CACNB2: variants seen among roughly 807,000 people sequenced by gnomAD.
CACNB2 encodes voltage-dependent L-type calcium channel subunit beta-2.
In CACNB2, 42 loss-of-function variants were observed where a neutral mutation model predicts 73.3. The ratio of observed to expected loss-of-function variants is 0.57; its 90% CI spans 0.45 to 0.74. The LOEUF (loss-of-function observed/expected upper bound fraction) is 0.74. Among genes scored for constraint, CACNB2 ranks in the 30% least tolerant of loss-of-function variants. CACNB2 has a pLI of 0.00. For synonymous variants in CACNB2, 348 were observed against 310.3 expected (o/e 1.12, Z -1.28); for missense variants, 940 against 853.0 (o/e 1.10, Z -1.27).
chr10:18,357,374 A>G (rs182674942), intron 2 of CACNB2, among the ~76,000 whole-genome samples: 163 of 152,330 alleles, frequency 1.1e-3, no homozygotes, highest in African/African-American at 3.8e-3. Flanking sequence ...CCAATGAATA[A>G]AAAGATTAAT....
chr10:18,278,764 C>T (rs11013306), intron 2 of CACNB2, among the ~76,000 whole-genome samples: 23,410 of 151,948 alleles, frequency 0.15, 1,981 homozygotes, highest in African/African-American at 0.21. Context: ...ACTTGTAATC[C>T]CAGCACTTTT....
chr10:18,527,449 G>GT (rs2052588900), intron 9 of CACNB2, 139 bp from the exon 10 acceptor site: 1 of 644,358 alleles, frequency 1.6e-6, no homozygotes, highest in Admixed American at 2.7e-5. Context: ...AAATGAATAA[G>GT]TAAGTATCCT....
chr10:18,333,141 G>T (rs935120997), intron 2 of CACNB2, among the ~76,000 whole-genome samples: 2 of 152,168 alleles, frequency 1.3e-5, no homozygotes, highest in Non-Finnish European at 2.9e-5. Flanking sequence ...TTCAGCGATA[G>T]GGATGGGGGG....
intron 2 of CACNB2, among the ~76,000 whole-genome samples, chr10:18,356,549 C>T (rs548370945): frequency 5.9e-5 from 9 of 152,290 alleles, no homozygotes; most frequent in South Asian, 4.2e-4. Flanking sequence ...TCCCATTATT[C>T]ACATCACCCA....
rs12266052 is a variant in CACNB2, at chr10:18,376,117, A to T, written c.214-25807A>T. ...TAAATGTCCATCAGCAGATGAATGG[A>T]TAAAGAAAATGTGGTACATTTACAC... On this transcript the variant is annotated intron_variant, in intron 2 of 13. Coordinates refer to ENST00000324631, the MANE Select transcript of CACNB2 (RefSeq NM_201596.3). Among the ~76,000 whole-genome samples, 1,269 of 152,318 alleles carry T rather than the reference A, an allele frequency of 8.3e-3. 17 individuals carry two copies. Among genetic ancestry groups the T allele is most frequent in the African/African-American group, 0.029 (1,188 of 41,566 alleles).
rs182163363 is a variant in CACNB2, at chr10:18,498,375, G to T, written c.354G>T (p.Ala118=). ...EKAKTKPVAF[A]VRTNVSYSAA... The stretch of plus-strand genomic sequence containing the variant: ...TTTAGACAAAGCCCGTTGCATTTGC[G>T]GTTCGGACAAATGTCAGCTACAGTG... The change falls in exon 4 of 14, where the codon GCG becomes GCT. Residue 118 remains alanine, a synonymous_variant. Transcript: ENST00000324631. The T allele has an allele frequency of 9.3e-6, 15 of 1,613,990 alleles. No homozygotes were observed. Among genetic ancestry groups the T allele is most frequent in the African/African-American group, 1.3e-5 (1 of 74,904 alleles).
At chr10:18,203,887 C>T (rs2034988104) in intron 2 of CACNB2, among the ~76,000 whole-genome samples, 1 of 152,142 alleles carries the variant, frequency 6.6e-6, no homozygotes, top group South Asian at 2.1e-4. Context: ...TGTTTCTCTG[C>T]TTTTGCCAAT....
rs1451331807 is a variant in CACNB2 at position 18,153,718 on chromosome 10, A to T, written c.213+2743A>T. On this transcript the variant is annotated intron_variant, in intron 2 of 13. Transcript: ENST00000324631. ...TGCCTCAGCCTTGCGAGTAGCTGGG[A>T]TTACAGGCACAAGCTACTATGCCCA... Among the ~76,000 whole-genome samples, 21 of 149,656 alleles carry T rather than the reference A, an allele frequency of 1.4e-4. No homozygotes were observed. The Admixed American group carries it at 1.4e-3, about 10-fold the overall frequency.
At chr10:18,458,603 T>G (rs1251616423) in intron 3 of CACNB2, among the ~76,000 whole-genome samples, 1 of 152,056 alleles carries the variant, frequency 6.6e-6, no homozygotes, top group Non-Finnish European at 1.5e-5. Context: ...AGAAATGTCC[T>G]ACATATAAGA....
At chr10:18,200,029 A>G (rs149304058) in intron 2 of CACNB2, among the ~76,000 whole-genome samples, 87 of 151,928 alleles carry the variant, frequency 5.7e-4, no homozygotes, top group African/African-American at 1.9e-3. Flanking sequence ...ATCAAGTAAG[A>G]TAATAGTGGC....
chr10:18,437,309 A>C (rs2046185078), intron 3 of CACNB2, among the ~76,000 whole-genome samples: 1 of 152,150 alleles, frequency 6.6e-6, no homozygotes, highest in African/African-American at 2.4e-5. Flanking sequence ...GGATACTTCT[A>C]AGTTAGTGCA....
At chr10:18,193,053 A>T (rs888114538) in intron 2 of CACNB2, among the ~76,000 whole-genome samples, 3 of 152,168 alleles carry the variant, frequency 2.0e-5, no homozygotes, top group Non-Finnish European at 4.4e-5. Flanking sequence ...TTTACAATTC[A>T]TATATAATTG....
At chr10:18,275,001 GACTCT>G (rs1437994337) in intron 2 of CACNB2, among the ~76,000 whole-genome samples, 1 of 152,120 alleles carries the variant, frequency 6.6e-6, no homozygotes, top group Non-Finnish European at 1.5e-5. Context: ...CACTGATTTG[GACTCT>G]ACTCCACAAA....
chr10:18,332,079 G>A (rs1390355735), intron 2 of CACNB2, among the ~76,000 whole-genome samples: 1 of 152,164 alleles, frequency 6.6e-6, no homozygotes, highest in African/African-American at 2.4e-5. Flanking sequence ...TGAGATGTGA[G>A]TGGAAGCCAT....
intron 2 of CACNB2, among the ~76,000 whole-genome samples, chr10:18,401,537 C>T (rs1341171752): frequency 6.6e-6 from 1 of 152,130 alleles, no homozygotes; most frequent in Non-Finnish European, 1.5e-5. Context: ...TTTTGTTAAG[C>T]TTAATGTCCT....
chr10:18,174,630 C>T (rs1484057443), intron 2 of CACNB2, among the ~76,000 whole-genome samples: 1 of 152,068 alleles, frequency 6.6e-6, no homozygotes, highest in African/African-American at 2.4e-5. Flanking sequence ...TCTCGAACTC[C>T]TGACCTCAAG....
At chr10:18,277,353 G>T (rs1428656065) in intron 2 of CACNB2, among the ~76,000 whole-genome samples, 2 of 152,192 alleles carry the variant, frequency 1.3e-5, no homozygotes, top group African/African-American at 4.8e-5. Context: ...AGTCGTCTCT[G>T]GTTTTTCTGA....
chr10:18,524,660 A>T (rs1387188340), intron 9 of CACNB2, among the ~76,000 whole-genome samples: 21 of 151,162 alleles, frequency 1.4e-4, no homozygotes, highest in Non-Finnish European at 2.5e-4. Context: ...ATCTTAAAAA[A>T]AAAAAAAAAA....
At chr10:18,305,599 C>T (rs1306380732) in intron 2 of CACNB2, among the ~76,000 whole-genome samples, 1 of 152,212 alleles carries the variant, frequency 6.6e-6, no homozygotes, top group Non-Finnish European at 1.5e-5. Flanking sequence ...TCACATTCTA[C>T]TTTCTTCTAT....
Sources: allele counts gnomAD v4.1 joint callset (sites outside exome capture counted in the v4.1 genomes callset), GRCh38; gene constraint gnomAD v4.1.1; transcripts MANE v1.5; gene names NCBI Gene and HGNC (gene_info 2026-07-23, HGNC 2026-07-21).